GRM5: variants seen among roughly 807,000 people sequenced by gnomAD.
The protein encoded by GRM5 is glutamate metabotropic receptor 5.
Under a neutral mutation model 83.1 loss-of-function variants are expected in GRM5, and 19 were observed. The observed-to-expected ratio is 0.23, with a 90% confidence interval of 0.16 to 0.34. The LOEUF is 0.34. GRM5 is among the 10% of genes least tolerant of loss of function. The pLI, the probability that GRM5 is intolerant of heterozygous loss-of-function variation, is 1.00. For missense variants in GRM5, 1,160 were observed against 1,588.3 expected (o/e 0.73, Z 4.58); for synonymous variants, 675 against 633.6 (o/e 1.07, Z -0.98).
At chr11:89,022,368 C>T (rs1941005283) in intron 2 of GRM5, among the ~76,000 whole-genome samples, 1 of 151,742 alleles carries the variant, frequency 6.6e-6, no homozygotes, top group Non-Finnish European at 1.5e-5. Context: ...ATAGGCTGGG[C>T]GCGGTGGCTC....
At chr11:88,817,837 G>A (rs373330090) in intron 3 of GRM5, among the ~76,000 whole-genome samples, 2 of 152,220 alleles carry the variant, frequency 1.3e-5, no homozygotes, top group African/African-American at 4.8e-5. Flanking sequence ...TAACTTGGCT[G>A]AGATCTCATG....
chr11:89,027,928 C>A (rs1164333643), intron 2 of GRM5, among the ~76,000 whole-genome samples: 6 of 152,176 alleles, frequency 3.9e-5, no homozygotes. Context: ...GCTCTCCCAT[C>A]ATTTGTAGAA....
chr11:88,902,438 A>T (rs1945328147), intron 2 of GRM5, among the ~76,000 whole-genome samples: 1 of 152,172 alleles, frequency 6.6e-6, no homozygotes, highest in Admixed American at 6.6e-5. Flanking sequence ...GCACATACTG[A>T]GTATTCAAAA....
chr11:89,026,481 A>G (rs1941133208), intron 2 of GRM5, among the ~76,000 whole-genome samples: 1 of 152,226 alleles, frequency 6.6e-6, no homozygotes. Context: ...ATGGTGTAAT[A>G]GAAAGAGTCT....
chr11:88,818,736 A>T (rs1590882345), intron 3 of GRM5, among the ~76,000 whole-genome samples: 1 of 152,186 alleles, frequency 6.6e-6, no homozygotes, highest in East Asian at 1.9e-4. Context: ...TAATAAACAT[A>T]TGTCTCTAAA....
chr11:88,940,419 AAAG>A (rs1483838912), intron 2 of GRM5, among the ~76,000 whole-genome samples: 1 of 149,968 alleles, frequency 6.7e-6, no homozygotes, highest in African/African-American at 2.4e-5. Flanking sequence ...TGCTTGGGGA[AAAG>A]AAGACTTTTT....
chr11:88,968,270 G>A (rs1256865542), intron 2 of GRM5, among the ~76,000 whole-genome samples: 1 of 152,080 alleles, frequency 6.6e-6, no homozygotes, highest in Non-Finnish European at 1.5e-5. Flanking sequence ...AAAGAGAGAA[G>A]GCTTAAACAG....
chr11:88,772,034 CTT>C (rs34842099), intron 3 of GRM5, among the ~76,000 whole-genome samples: 106 of 149,470 alleles, frequency 7.1e-4, no homozygotes, highest in East Asian at 1.2e-3. Flanking sequence ...GCTTATCAAT[CTT>C]TTTTTTTTTT....
chr11:88,703,881 G>A (rs1941093363), intron 3 of GRM5, among the ~76,000 whole-genome samples: 1 of 152,014 alleles, frequency 6.6e-6, no homozygotes, highest in Non-Finnish European at 1.5e-5. Flanking sequence ...TCCAATACCT[G>A]GAATATACCT....
At chr11:89,001,971 T>G (rs2135071342) in intron 2 of GRM5, among the ~76,000 whole-genome samples, 1 of 152,226 alleles carries the variant, frequency 6.6e-6, no homozygotes, top group Non-Finnish European at 1.5e-5. Context: ...TTACTTATAC[T>G]AAAACAAAAA....
intron 2 of GRM5, among the ~76,000 whole-genome samples, chr11:88,967,308 A>G (rs1939017536): frequency 6.6e-6 from 1 of 150,536 alleles, no homozygotes; most frequent in African/African-American, 2.4e-5. Flanking sequence ...CATCTATTAA[A>G]GATTAAAAAC....
chr11:88,635,816 G>T (rs1483983214), intron 4 of GRM5, among the ~76,000 whole-genome samples: 1 of 152,024 alleles, frequency 6.6e-6, no homozygotes, highest in Non-Finnish European at 1.5e-5. Context: ...TATGTTTCTA[G>T]GTCTTATGTT....
At chr11:88,661,583 TA>T (rs1565176163) in intron 3 of GRM5, among the ~76,000 whole-genome samples, 1 of 152,138 alleles carries the variant, frequency 6.6e-6, no homozygotes, top group South Asian at 2.1e-4. Flanking sequence ...TTTGGGATTT[TA>T]AAAAATTCTA....
At chr11:89,011,581 A>G (rs894648645) in intron 2 of GRM5, among the ~76,000 whole-genome samples, 1 of 152,216 alleles carries the variant, frequency 6.6e-6, no homozygotes, top group Non-Finnish European at 1.5e-5. Flanking sequence ...TTGCCTTTTC[A>G]TTCATAGTGG....
chr11:88,805,188 T>C (rs1289391983), intron 3 of GRM5, among the ~76,000 whole-genome samples: 1 of 152,096 alleles, frequency 6.6e-6, no homozygotes, highest in Non-Finnish European at 1.5e-5. Context: ...TATTTTAATT[T>C]ATTTTATTTA....
chr11:88,600,871 G>T lies in GRM5; in HGVS notation c.1395-3519C>A, dbSNP rs186310046. Among the ~76,000 whole-genome samples, 500 of 152,222 alleles carry T rather than the reference G, an allele frequency of 3.3e-3. 2 individuals are homozygous for T. The highest frequency in any genetic ancestry group is 0.012 in the African/African-American group (481 of 41,530). On this transcript the variant is annotated intron_variant, in intron 5 of 9. Coordinates refer to ENST00000305447, the MANE Select transcript of GRM5 (RefSeq NM_001143831.3). Reference sequence around the variant, plus strand: ...GCTTTTGTTAAAAATTCTTAAATGTGTGCTAAATTATCTGTGGGTTGGCAT... The same window carrying T: ...GCTTTTGTTAAAAATTCTTAAATGTTTGCTAAATTATCTGTGGGTTGGCAT...
intron 3 of GRM5, among the ~76,000 whole-genome samples, chr11:88,658,956 G>A (rs1456205076): frequency 6.6e-6 from 1 of 152,130 alleles, no homozygotes; most frequent in Non-Finnish European, 1.5e-5. Flanking sequence ...AAGACATGAT[G>A]AGAAGTAGAG....
chr11:88,563,871 G>C (rs1021571654), intron 8 of GRM5, among the ~76,000 whole-genome samples: 1 of 152,132 alleles, frequency 6.6e-6, no homozygotes, highest in African/African-American at 2.4e-5. Flanking sequence ...TGCATAACCA[G>C]CTATATCCTA....
intron 3 of GRM5, among the ~76,000 whole-genome samples, chr11:88,654,571 G>T (rs1031345234): frequency 1.3e-5 from 2 of 152,044 alleles, no homozygotes; most frequent in African/African-American, 4.8e-5. Context: ...GATTTAAGGG[G>T]AAGAACAGAC....
Sources: gnomAD v4.1 joint callset for allele counts (sites outside exome capture counted in the v4.1 genomes callset) on GRCh38, gnomAD v4.1.1 for gene constraint, MANE v1.5 for transcripts, NCBI Gene and HGNC (gene_info 2026-07-23, HGNC 2026-07-21) for gene names.